Variants in THAP12 observed in about 807,000 individuals in gnomAD.
THAP12 encodes the protein 52 kDa repressor of the inhibitor of the protein kinase.
A neutral mutation model predicts 63.0 loss-of-function variants in THAP12; 20 were observed. The observed-to-expected ratio is 0.32, with a 90% CI of 0.22 to 0.46. The LOEUF (loss-of-function observed/expected upper bound fraction) is 0.46, where lower values mean the gene tolerates loss of function less well. Ranked by LOEUF, THAP12 falls within the 20% of genes least tolerant of loss-of-function variation. THAP12 has a pLI of 1.00. For missense variants in THAP12, 568 were observed against 908.2 expected (o/e 0.63, Z 4.81); for synonymous variants, 264 against 328.4 (o/e 0.80, Z 2.12).
intron 4 of THAP12, among the ~76,000 whole-genome samples, chr11:76,353,977 C>T (rs1316749270): frequency 1.3e-5 from 2 of 152,170 alleles, no homozygotes; most frequent in Non-Finnish European, 2.9e-5. Flanking sequence ...CCACTGCACT[C>T]CAGCCTGGGC....
At chr11:76,376,615 G>GTTTTTTTTTTTTTTTTTTT (rs375196452) in intron 1 of THAP12, among the ~76,000 whole-genome samples, 1 of 127,770 alleles carries the variant, frequency 7.8e-6, no homozygotes, top group Non-Finnish European at 1.6e-5. Context: ...TTGTGTCTAT[G>GTTTTTTTTTTTTTTTTTTT]TTTTTTTTGT....
intron 1 of THAP12, among the ~76,000 whole-genome samples, chr11:76,373,343 C>CAAAAA (rs202157534): frequency 3.2e-5 from 2 of 62,380 alleles, no homozygotes; most frequent in African/African-American, 5.7e-5. Context: ...GACACTGTCT[C>CAAAAA]AAAAAAAAAA....
At chr11:76,354,890 G>A (rs1437758446) in intron 4 of THAP12, among the ~76,000 whole-genome samples, 3 of 151,990 alleles carry the variant, frequency 2.0e-5, no homozygotes, top group Admixed American at 6.6e-5. Context: ...ACCCTGTTTC[G>A]TGCACAGAAT....
At chr11:76,365,796 A>T in intron 2 of THAP12, 56 bp downstream of exon 2, 1 of 1,567,466 alleles carries the variant, frequency 6.4e-7, no homozygotes, top group Admixed American at 1.7e-5. Context: ...AACCAGACAC[A>T]GTGAGAGAGA....
chr11:76,378,531 G>C (rs997050394), intron 1 of THAP12, among the ~76,000 whole-genome samples: 2 of 151,766 alleles, frequency 1.3e-5, no homozygotes, highest in African/African-American at 2.4e-5. Context: ...TTAGGCCTTT[G>C]ATCTCAATAA....
At chr11:76,364,733 T>A (rs1054118164) in intron 2 of THAP12, among the ~76,000 whole-genome samples, 1 of 152,212 alleles carries the variant, frequency 6.6e-6, no homozygotes, top group Non-Finnish European at 1.5e-5. Flanking sequence ...GATATGAAAT[T>A]ACATATTATT....
chr11:76,369,821 C>T (rs1002132082), intron 1 of THAP12, among the ~76,000 whole-genome samples: 5 of 152,374 alleles, frequency 3.3e-5, no homozygotes, highest in Admixed American at 2.6e-4. Flanking sequence ...TCTGGGTGAC[C>T]CCCTCATGGG....
At chr11:76,380,710 G>C (rs1337725769) in intron 1 of THAP12, 38 bp downstream of exon 1, 20 of 1,349,610 alleles carry the variant, frequency 1.5e-5, no homozygotes, top group Non-Finnish European at 1.8e-5. Context: ...TCACCGCGAA[G>C]GTGGGCCCGG....
rs769985217 is a variant in THAP12, at chr11:76,352,265, G to C, written c.885C>G (p.Gly295=). ...ESHNLREEFI[G]FLPYEADAEI... is the part of the protein sequence containing the mutation. ...CTGCATCGGCTTCATAAGGCAGGAAGCCTATAAATTCCTCTCTTAGGTTAT... is the reference window on the plus strand; with the variant it reads ...CTGCATCGGCTTCATAAGGCAGGAACCCTATAAATTCCTCTCTTAGGTTAT... Residue 295 remains glycine (G), a synonymous_variant, in exon 5 of 5, where the codon GGC becomes GGG. Transcript: ENST00000260045. 4 of 1,611,734 alleles carry C rather than the reference G, an allele frequency of 2.5e-6. No homozygotes were observed. Among genetic ancestry groups the C allele is most frequent in the Non-Finnish European group, 3.4e-6 (4 of 1,179,826 alleles).
chr11:76,357,217 C>T (rs570426887), intron 3 of THAP12: 1 of 152,156 alleles, frequency 6.6e-6, no homozygotes, highest in African/African-American at 2.4e-5. Flanking sequence ...TATGCAAATA[C>T]TACACCACTG....
At chr11:76,358,481 C>T (rs2134502658) in intron 3 of THAP12, 1 of 152,188 alleles carries the variant, frequency 6.6e-6, no homozygotes, top group East Asian at 1.9e-4. Context: ...TAAATACATG[C>T]AATGAAAGCA....
chr11:76,361,798 T>C (rs1946599241), intron 2 of THAP12, among the ~76,000 whole-genome samples: 1 of 152,234 alleles, frequency 6.6e-6, no homozygotes, highest in Non-Finnish European at 1.5e-5. Flanking sequence ...AATGATCTGA[T>C]GTTATCTTAT....
intron 1 of THAP12, among the ~76,000 whole-genome samples, chr11:76,379,553 T>C: frequency 6.6e-6 from 1 of 152,222 alleles, no homozygotes; most frequent in East Asian, 1.9e-4. Flanking sequence ...GGAATGCTGC[T>C]GCCCAAGGTA....
In THAP12 at chr11:76,350,911, T is replaced by G. The variant is rs1946521548; in HGVS notation, c.2239A>C (p.Lys747Gln). The change falls in exon 5 of 5, where the codon AAG becomes CAG. Residue 747 changes from lysine (K) to glutamine (Q), a missense_variant. By Grantham distance (53) the Lys-to-Gln change is moderately conservative. Coordinates refer to ENST00000260045, the MANE Select transcript of THAP12 (RefSeq NM_004705.4). ...VDTYIKLYTS[K>Q]SELPTDNSET... ...GAATTATCTGTAGGAAGCTCTGACT[T>G]ACTTGTATAGAGTTTAATATATGTG... The G allele has an allele frequency of 6.4e-7, 1 of 1,570,942 alleles. No homozygotes were observed. Among genetic ancestry groups the G allele is most frequent in the African/African-American group, 1.4e-5 (1 of 73,594 alleles).
At chr11:76,360,183 C>T (rs201843536) in intron 3 of THAP12, among the ~76,000 whole-genome samples, 2 of 152,046 alleles carry the variant, frequency 1.3e-5, no homozygotes, top group East Asian at 3.9e-4. Context: ...GAAAGGTAAG[C>T]ATAGAATAAG....
At chr11:76,364,896 G>A (rs1334357126) in intron 2 of THAP12, among the ~76,000 whole-genome samples, 1 of 152,072 alleles carries the variant, frequency 6.6e-6, no homozygotes, top group African/African-American at 2.4e-5. Context: ...AAGCTCTAAA[G>A]AGCTCCAAAT....
intron 1 of THAP12, among the ~76,000 whole-genome samples, chr11:76,372,847 C>T (rs1946683966): frequency 6.6e-6 from 1 of 152,006 alleles, no homozygotes; most frequent in South Asian, 2.1e-4. Flanking sequence ...TGATTGTGCT[C>T]CTGCACTCCA....
At chr11:76,371,615 T>C (rs1162971169) in intron 1 of THAP12, among the ~76,000 whole-genome samples, 5 of 152,112 alleles carry the variant, frequency 3.3e-5, no homozygotes, top group Admixed American at 6.6e-5. Context: ...TGATCCTCTT[T>C]ATAGCAAAAC....
chr11:76,370,794 C>T (rs1946667806), intron 1 of THAP12, among the ~76,000 whole-genome samples: 1 of 147,596 alleles, frequency 6.8e-6, no homozygotes. Context: ...TGCACTCCAG[C>T]CTGGCAAGAG....
Sources: allele counts gnomAD v4.1 joint callset (sites outside exome capture counted in the v4.1 genomes callset), GRCh38; gene constraint gnomAD v4.1.1; transcripts MANE v1.5; gene names NCBI Gene and HGNC (gene_info 2026-07-23, HGNC 2026-07-21).